The following ARPC1A variants were observed in gnomAD, a reference collection of about 807,000 sequenced individuals.
ARPC1A encodes actin related protein 2/3 complex subunit 1A.
A neutral mutation model predicts 46.9 loss-of-function variants in ARPC1A; 8 were observed. The observed-to-expected ratio is 0.17, with a 90% CI of 0.10 to 0.31. The LOEUF (loss-of-function observed/expected upper bound fraction) is 0.31. ARPC1A is among the 10% of genes least tolerant of loss of function. The pLI is 1.00. For missense variants in ARPC1A, 286 were observed against 483.6 expected, an observed-to-expected ratio of 0.59 and a Z score of 3.83; for synonymous variants, 152 against 169.0, an observed-to-expected ratio of 0.90 and a Z score of 0.78.
intron 1 of ARPC1A, among the ~76,000 whole-genome samples, chr7:99,333,092 T>C (rs189287483): frequency 6.6e-6 from 1 of 152,302 alleles, no homozygotes; most frequent in East Asian, 1.9e-4. Flanking sequence ...AAACTGGGTT[T>C]CACCAGGTTG....
At chr7:99,350,631 CTTTTTTTTTTTTTTTTTTTT>C (rs540737612) in intron 5 of ARPC1A, among the ~76,000 whole-genome samples, 2 of 67,532 alleles carry the variant, frequency 3.0e-5, no homozygotes, top group African/African-American at 5.0e-5. Context: ...ATGAGGTGCA[CTTTTTTTTTTTTTTTTTTTT>C]TTTTTTTTTT....
chr7:99,347,081 A>T (rs1050451356), intron 4 of ARPC1A, among the ~76,000 whole-genome samples: 5 of 151,892 alleles, frequency 3.3e-5, no homozygotes, highest in South Asian at 2.1e-4. Flanking sequence ...TTATTTATTT[A>T]TTTTTTGAGA....
At chr7:99,355,276 ATG>A (rs2150871549) in intron 6 of ARPC1A, among the ~76,000 whole-genome samples, 1 of 150,778 alleles carries the variant, frequency 6.6e-6, no homozygotes, top group East Asian at 2.0e-4. Context: ...GAGCAAAACT[ATG>A]TCTCAAAAAA....
At chr7:99,330,018 CAG>C (rs570807457) in intron 1 of ARPC1A, among the ~76,000 whole-genome samples, 92 of 151,302 alleles carry the variant, frequency 6.1e-4, no homozygotes, top group Non-Finnish European at 8.8e-4. Flanking sequence ...CATCTGATAT[CAG>C]AGATAAAGAG....
chr7:99,349,082 T>TCAAAA, intron 5 of ARPC1A, 123 bp downstream of exon 5: 2 of 976,486 alleles, frequency 2.0e-6, no homozygotes, highest in South Asian at 1.6e-5. Flanking sequence ...AGACAGGGTC[T>TCAAAA]CACTCTCACC....
intron 6 of ARPC1A, among the ~76,000 whole-genome samples, chr7:99,357,906 C>G (rs1345088704): frequency 6.6e-6 from 1 of 152,206 alleles, no homozygotes; most frequent in African/African-American, 2.4e-5. Flanking sequence ...CCTCTCGGAG[C>G]TCCGGTGAGC....
chr7:99,345,636 C>T (rs976303771), intron 4 of ARPC1A, among the ~76,000 whole-genome samples: 25 of 150,670 alleles, frequency 1.7e-4, no homozygotes, highest in African/African-American at 5.6e-4. Flanking sequence ...CCAGCCTGGG[C>T]GGCAAAGTGA....
chr7:99,359,382 C>T (rs1405789842), intron 7 of ARPC1A, among the ~76,000 whole-genome samples, 163 bp from the exon 8 acceptor site: 3 of 149,936 alleles, frequency 2.0e-5, no homozygotes, highest in African/African-American at 7.4e-5. Context: ...GTTGTGGTGA[C>T]CTGAGATTGT....
At chr7:99,332,917 G>A (rs1793171748) in intron 1 of ARPC1A, among the ~76,000 whole-genome samples, 1 of 110,458 alleles carries the variant, frequency 9.1e-6, no homozygotes, top group Non-Finnish European at 1.6e-5. Context: ...TTTTTTTTGA[G>A]ACAGAGTCTC....
At position 99,347,312 on chromosome 7, in the gene ARPC1A, CCTT is replaced by C. The variant is rs546630296; in HGVS notation, c.393-1537_393-1535del. 2.2e-4 allele frequency among the ~76,000 whole-genome samples: 33 copies of C among 152,294 alleles called. No individual in the cohort carries two copies. In the South Asian group the frequency reaches 2.7e-3, roughly 12 times the overall value. ...TCTCAAATTCCTGTACTCAAGCAATCCTTCTGCTTTGGTCTTCCAAAGTGCTGG... is the reference window on the plus strand; with the variant it reads ...TCTCAAATTCCTGTACTCAAGCAATCCTGCTTTGGTCTTCCAAAGTGCTGG... On this transcript the variant is annotated intron_variant, in intron 4 of 9. Transcript: ENST00000262942.
intron 3 of ARPC1A, among the ~76,000 whole-genome samples, chr7:99,340,470 G>T (rs1392288221): frequency 4.6e-3 from 2 of 436 alleles, no homozygotes; most frequent in Non-Finnish European, 5.8e-3. Context: ...TTTAGACAGG[G>T]TCTTGGCTCT....
At chr7:99,345,133 C>A (rs1266744411) in intron 4 of ARPC1A, among the ~76,000 whole-genome samples, 1 of 151,650 alleles carries the variant, frequency 6.6e-6, no homozygotes, top group African/African-American at 2.4e-5. Flanking sequence ...CAAGGTTTCA[C>A]CATCTTGGCC....
chr7:99,359,239 C>G (rs1261508811), intron 7 of ARPC1A, among the ~76,000 whole-genome samples: 5 of 151,806 alleles, frequency 3.3e-5, no homozygotes, highest in Admixed American at 1.3e-4. Context: ...AGTTCAAGAC[C>G]AGCCTGGCCA....
chr7:99,334,003 G>GTA (rs1793194658), intron 2 of ARPC1A, among the ~76,000 whole-genome samples: 1 of 139,488 alleles, frequency 7.2e-6, no homozygotes, highest in African/African-American at 2.9e-5. Context: ...GTGTGTGTGT[G>GTA]TACACACACA....
chr7:99,345,416 T>C (rs557357527), intron 4 of ARPC1A, among the ~76,000 whole-genome samples: 15 of 152,306 alleles, frequency 9.8e-5, no homozygotes, highest in African/African-American at 3.6e-4. Flanking sequence ...CCAAAACTTA[T>C]TTTAACTACT....
chr7:99,335,688 C>G (rs1026042280), intron 2 of ARPC1A, among the ~76,000 whole-genome samples: 1 of 152,144 alleles, frequency 6.6e-6, no homozygotes, highest in Non-Finnish European at 1.5e-5. Flanking sequence ...GGCGTGGTGG[C>G]TCATACCTGT....
rs1308355053 is a variant in ARPC1A at position 99,325,935 on chromosome 7, C to G, written c.-99C>G. 1 of 152,564 alleles carries G rather than the reference C, an allele frequency of 6.6e-6. No individual in the cohort carries two copies. The highest frequency in any genetic ancestry group is 6.5e-5 in the Admixed American group (1 of 15,290). 9.5% of individuals were successfully genotyped at this position (152,564 alleles called of 1,614,324 possible). A position where few individuals can be genotyped will look rare whatever the true frequency, so the allele number is the denominator to read the frequency against. Reference sequence around the variant, plus strand: ...GTCCTCCGCCCGCGCCCGACGGAGCCTGTTCGCGTCGACTGCCCAGAGTCC... The same window carrying G: ...GTCCTCCGCCCGCGCCCGACGGAGCGTGTTCGCGTCGACTGCCCAGAGTCC... On this transcript the variant is annotated 5_prime_UTR_variant, in exon 1 of 10. Coordinates refer to ENST00000262942, the MANE Select transcript of ARPC1A (RefSeq NM_006409.4).
chr7:99,331,709 A>G (rs2150857976), intron 1 of ARPC1A, among the ~76,000 whole-genome samples: 1 of 152,266 alleles, frequency 6.6e-6, no homozygotes, highest in African/African-American at 2.4e-5. Context: ...ACTTGAGGCC[A>G]GGTGTTCAAG....
At position 99,365,965 on chromosome 7, in the gene ARPC1A, T is replaced by C. The variant is rs371311827; in HGVS notation, c.*36T>C. ...GCCTCCGCCATCCAGCATGACAAAC[T>C]GTGGCCGACCGCAGCTGTGCCGTGG... On this transcript the variant is annotated 3_prime_UTR_variant, in exon 10 of 10. Transcript: ENST00000262942. The C allele has an allele frequency of 2.8e-4, 430 of 1,557,202 alleles. No individual in the cohort carries two copies. Among genetic ancestry groups the C allele is most frequent in the Non-Finnish European group, 3.4e-4 (386 of 1,148,686 alleles).
Sources: allele counts gnomAD v4.1 joint callset (sites outside exome capture counted in the v4.1 genomes callset), GRCh38; gene constraint gnomAD v4.1.1; transcripts MANE v1.5; gene names NCBI Gene and HGNC (gene_info 2026-07-23, HGNC 2026-07-21).